Variants in ZNF566 observed in about 807,000 individuals in gnomAD.
ZNF566 encodes the protein zinc finger protein 566.
Under a neutral mutation model 32.8 loss-of-function variants are expected in ZNF566, and 27 were observed. That is an observed-to-expected ratio of 0.82 (90% CI 0.61 to 1.14). The LOEUF is 1.14. Among genes scored for constraint, ZNF566 ranks in the 50% most tolerant of loss-of-function variants. The probability of loss-of-function intolerance (pLI) is 0.00; values close to 1 mark genes in which losing one functional copy is unlikely to be tolerated. For synonymous variants in ZNF566, 154 were observed against 159.5 expected (o/e 0.97, Z 0.26); for missense variants, 402 against 490.4 (o/e 0.82, Z 1.70).
intron 1 of ZNF566, among the ~76,000 whole-genome samples, chr19:36,480,127 A>G (rs2033988446): frequency 6.6e-6 from 1 of 152,190 alleles, no homozygotes; most frequent in South Asian, 2.1e-4. Context: ...GATAGCTTGG[A>G]AAAGAAAAAA....
At chr19:36,483,489 T>C (rs1174248503) in intron 1 of ZNF566, among the ~76,000 whole-genome samples, 1 of 152,008 alleles carries the variant, frequency 6.6e-6, no homozygotes, top group Non-Finnish European at 1.5e-5. Context: ...ACATCTTATG[T>C]CCCAGAAAGC....
intron 4 of ZNF566, among the ~76,000 whole-genome samples, chr19:36,458,391 A>G (rs879715262): frequency 5.9e-5 from 9 of 152,328 alleles, no homozygotes; most frequent in Middle Eastern, 3.4e-3. Context: ...ATGTGAAATA[A>G]GCCAGGCACA....
intron 1 of ZNF566, among the ~76,000 whole-genome samples, chr19:36,477,536 TG>T (rs759434195): frequency 0.033 from 4,165 of 124,562 alleles, 746 homozygotes; most frequent in African/African-American, 0.068. Context: ...GTTTTTTTTT[TG>T]TTTGTTTGTT....
At chr19:36,480,419 G>T (rs1008575298) in intron 1 of ZNF566, among the ~76,000 whole-genome samples, 10 of 151,210 alleles carry the variant, frequency 6.6e-5, no homozygotes, top group African/African-American at 1.9e-4. Context: ...GGAGTAGCTG[G>T]GATTACAGGT....
At chr19:36,465,991 G>C (rs1337093668) in intron 4 of ZNF566, among the ~76,000 whole-genome samples, 1 of 150,414 alleles carries the variant, frequency 6.6e-6, no homozygotes, top group Non-Finnish European at 1.5e-5. Flanking sequence ...TTAATAGAAG[G>C]AAAAAAGGAA....
chr19:36,463,336 A>C (rs1395975952), intron 4 of ZNF566, among the ~76,000 whole-genome samples: 1 of 152,096 alleles, frequency 6.6e-6, no homozygotes, highest in East Asian at 1.9e-4. Context: ...GTAGACCCCC[A>C]AAAATATATA....
chr19:36,486,425 A>G (rs1446695638), intron 1 of ZNF566, among the ~76,000 whole-genome samples: 1 of 152,124 alleles, frequency 6.6e-6, no homozygotes, highest in African/African-American at 2.4e-5. Context: ...TAATCCCAGC[A>G]CTTTGGGAGG....
intron 4 of ZNF566, among the ~76,000 whole-genome samples, chr19:36,452,265 A>C (rs1273136175): frequency 6.6e-6 from 1 of 151,832 alleles, no homozygotes; most frequent in Non-Finnish European, 1.5e-5. Flanking sequence ...TAGTATTCTT[A>C]TCAGTTACCC....
At chr19:36,469,553 A>G (rs2033712396) in intron 4 of ZNF566, among the ~76,000 whole-genome samples, 1 of 152,078 alleles carries the variant, frequency 6.6e-6, no homozygotes, top group Non-Finnish European at 1.5e-5. Context: ...AAACAAAGAA[A>G]AAAAAGAAAA....
chr19:36,460,951 T>C (rs2033445810), intron 4 of ZNF566, among the ~76,000 whole-genome samples: 1 of 152,184 alleles, frequency 6.6e-6, no homozygotes, highest in African/African-American at 2.4e-5. Context: ...GAATTTTGTA[T>C]CTACCAAAAA....
intron 1 of ZNF566, among the ~76,000 whole-genome samples, chr19:36,477,779 G>T (rs1038880747): frequency 4.0e-5 from 6 of 151,736 alleles, no homozygotes; most frequent in Non-Finnish European, 7.4e-5. Context: ...CTTCCAAAGT[G>T]CTGGGATTAT....
chr19:36,479,560 A>T (rs750316326), intron 1 of ZNF566, among the ~76,000 whole-genome samples: 21 of 152,368 alleles, frequency 1.4e-4, no homozygotes, highest in South Asian at 2.1e-4. Flanking sequence ...GAAATTAAGG[A>T]TCTTAACAAA....
intron 1 of ZNF566, among the ~76,000 whole-genome samples, chr19:36,477,673 G>A (rs1223603594): frequency 6.6e-6 from 1 of 151,568 alleles, no homozygotes; most frequent in Non-Finnish European, 1.5e-5. Context: ...TAAGTAGCTG[G>A]GACTACAGGC....
intron 1 of ZNF566, among the ~76,000 whole-genome samples, chr19:36,482,610 T>C (rs1165693252): frequency 6.6e-6 from 1 of 152,142 alleles, no homozygotes; most frequent in African/African-American, 2.4e-5. Flanking sequence ...GAAAAAGAGC[T>C]ACACAGAGAT....
rs560803094 is a variant in ZNF566, at chr19:36,467,790, C to CAAAAAAA, written c.232+5114_232+5120dup. 4.2e-3 allele frequency among the ~76,000 whole-genome samples: 363 copies of CAAAAAAA among 85,780 alleles called. 5 individuals are homozygous for CAAAAAAA. The highest frequency in any genetic ancestry group is 0.011 in the East Asian group (21 of 1,982). 56.3% of individuals were successfully genotyped at this position (85,780 alleles called of 152,430 possible). A position where few individuals can be genotyped will look rare whatever the true frequency, so the allele number is the denominator to read the frequency against. ...TGGGTGACAGAGCGAGACTCCATCT[C>CAAAAAAA]AAAAAAAAAAAAAAAAAAAAAAAAA... On this transcript the variant is annotated intron_variant, in intron 4 of 4. Coordinates refer to ENST00000452939, the MANE Select transcript of ZNF566 (RefSeq NM_001145344.1).
At chr19:36,455,842 C>G (rs1267004402) in intron 4 of ZNF566, among the ~76,000 whole-genome samples, 1 of 151,980 alleles carries the variant, frequency 6.6e-6, no homozygotes, top group Non-Finnish European at 1.5e-5. Flanking sequence ...AGATCGAGAC[C>G]ATCCTGGCTA....
chr19:36,459,614 G>A (rs1421002572), intron 4 of ZNF566, among the ~76,000 whole-genome samples: 3 of 149,008 alleles, frequency 2.0e-5, no homozygotes, highest in African/African-American at 2.5e-5. Flanking sequence ...AGGTTCAAGC[G>A]ATTCTCCTGC....
chr19:36,463,222 G>A (rs2033522193), intron 4 of ZNF566, among the ~76,000 whole-genome samples: 1 of 152,024 alleles, frequency 6.6e-6, no homozygotes, highest in African/African-American at 2.4e-5. Context: ...AGGATTGCTT[G>A]AGCCCAGGAG....
At chr19:36,481,473 GAAAA>G (rs79028574) in intron 1 of ZNF566, among the ~76,000 whole-genome samples, 1 of 110,838 alleles carries the variant, frequency 9.0e-6, no homozygotes, top group Non-Finnish European at 1.8e-5. Context: ...ACTGTCTCGG[GAAAA>G]AAAAAAAAAA....
Sources: allele counts gnomAD v4.1 joint callset (sites outside exome capture counted in the v4.1 genomes callset), GRCh38; gene constraint gnomAD v4.1.1; transcripts MANE v1.5; gene names NCBI Gene and HGNC (gene_info 2026-07-23, HGNC 2026-07-21).